Variants in AXDND1 observed in about 807,000 individuals in gnomAD.
AXDND1 encodes axonemal dynein light chain domain containing 1, also known as axonemal dynein light chain domain-containing protein 1.
A neutral mutation model predicts 137.5 loss-of-function variants in AXDND1; 110 were observed. That is an observed-to-expected ratio of 0.80 (90% confidence interval 0.69 to 0.94). The LOEUF is 0.94. Ranked by LOEUF, AXDND1 falls within the 40% of genes least tolerant of loss-of-function variation. The pLI is 0.00. For synonymous variants in AXDND1, 414 were observed against 399.7 expected, an observed-to-expected ratio of 1.04 and a Z score of -0.43; for missense variants, 1,191 against 1,169.8, an observed-to-expected ratio of 1.02 and a Z score of -0.26.
At chr1:179,472,370 A>G (rs2125496888) in intron 17 of AXDND1, among the ~76,000 whole-genome samples, 1 of 152,224 alleles carries the variant, frequency 6.6e-6, no homozygotes, top group East Asian at 1.9e-4. Context: ...TATATATTTT[A>G]TATTATTCTA....
At chr1:179,484,045 G>A (rs1167781362) in intron 18 of AXDND1, among the ~76,000 whole-genome samples, 1 of 152,162 alleles carries the variant, frequency 6.6e-6, no homozygotes, top group Non-Finnish European at 1.5e-5. Context: ...GCTAAAGGAG[G>A]AGGAAGCTGG....
intron 21 of AXDND1, among the ~76,000 whole-genome samples, chr1:179,519,482 A>G (rs1197144239): frequency 6.6e-6 from 1 of 152,160 alleles, no homozygotes; most frequent in Non-Finnish European, 1.5e-5. Flanking sequence ...CCAGAATGGT[A>G]TTGCCAAGGT....
intron 15 of AXDND1, among the ~76,000 whole-genome samples, chr1:179,434,774 T>A (rs1487095421): frequency 6.6e-6 from 1 of 152,118 alleles, no homozygotes; most frequent in Non-Finnish European, 1.5e-5. Context: ...CTGGAAGCAT[T>A]CCCTTTGAAA....
chr1:179,439,689 G>A (rs1200709592), intron 15 of AXDND1, among the ~76,000 whole-genome samples: 1 of 152,154 alleles, frequency 6.6e-6, no homozygotes, highest in Non-Finnish European at 1.5e-5. Flanking sequence ...CTTCCTGCAT[G>A]GTTTTCTTGA....
chr1:179,541,747 A>C (rs537062910), intron 25 of AXDND1, among the ~76,000 whole-genome samples: 2 of 152,254 alleles, frequency 1.3e-5, no homozygotes, highest in Non-Finnish European at 2.9e-5. Context: ...ACACGTGAGA[A>C]TCTTAATAAT....
At chr1:179,447,703 G>A in intron 16 of AXDND1, 1 of 1,344,854 alleles carries the variant, frequency 7.4e-7, no homozygotes, top group Non-Finnish European at 1.1e-6. Flanking sequence ...GGGAGACTTT[G>A]TAGGCATGAC....
At chr1:179,551,929 C>T (rs1673341901) in intron 25 of AXDND1, 1 of 176,608 alleles carries the variant, frequency 5.7e-6, no homozygotes, top group African/African-American at 2.4e-5. Flanking sequence ...TGGGGACTAT[C>T]CTCCTCCCCT....
chr1:179,483,122 C>A lies in AXDND1; in HGVS notation c.1998-6C>A. 1 of 1,559,342 alleles carries A rather than the reference C, an allele frequency of 6.4e-7. No individual in the cohort carries two copies. Among genetic ancestry groups the A allele is most frequent in the Non-Finnish European group, 8.7e-7 (1 of 1,148,172 alleles). On this transcript the variant is annotated splice_region_variant and splice_polypyrimidine_tract_variant and intron_variant, in intron 17 of 25. Transcript: ENST00000367618. ...TCACTTTTATTTTACTTGATTTTTCCTTCAGGGTACTCCAAGCGTATATAT... is the reference window on the plus strand; with the variant it reads ...TCACTTTTATTTTACTTGATTTTTCATTCAGGGTACTCCAAGCGTATATAT...
At chr1:179,437,621 G>A (rs1658356128) in intron 15 of AXDND1, among the ~76,000 whole-genome samples, 1 of 152,210 alleles carries the variant, frequency 6.6e-6, no homozygotes, top group Non-Finnish European at 1.5e-5. Context: ...GGCCAGGCTG[G>A]GCAGCTCTCA....
chr1:179,429,494 G>C (rs746384616), intron 12 of AXDND1, 24 bp from the exon 13 acceptor site: 1 of 1,283,352 alleles, frequency 7.8e-7, no homozygotes, highest in African/African-American at 1.5e-5. Flanking sequence ...TTAGGTTCCT[G>C]ATTATAGTAC....
intron 11 of AXDND1, among the ~76,000 whole-genome samples, chr1:179,398,617 G>A (rs1007294874): frequency 6.6e-6 from 1 of 151,934 alleles, no homozygotes; most frequent in Non-Finnish European, 1.5e-5. Flanking sequence ...GCTGGCAACT[G>A]TGTGCACAGT....
At position 179,463,656 on chromosome 1, in the gene AXDND1, T is replaced by C. The variant is rs140758855; in HGVS notation, c.1799-4787T>C. 4.1e-3 allele frequency among the ~76,000 whole-genome samples: 625 copies of C among 152,330 alleles called. 4 individuals are homozygous for C. The highest frequency in any genetic ancestry group is 0.014 in the African/African-American group (598 of 41,574). Reference sequence around the variant, plus strand: ...AGGTCTGCTTGTTGCAGAGCTGAATTCAATTCCTGGATATCCTTGTTAACT... The same window carrying C: ...AGGTCTGCTTGTTGCAGAGCTGAATCCAATTCCTGGATATCCTTGTTAACT... On this transcript the variant is annotated intron_variant, in intron 16 of 25. Coordinates refer to ENST00000367618, the MANE Select transcript of AXDND1 (RefSeq NM_144696.6).
At chr1:179,382,074 C>A (rs1648446899) in intron 6 of AXDND1, among the ~76,000 whole-genome samples, 1 of 150,088 alleles carries the variant, frequency 6.7e-6, no homozygotes, top group South Asian at 2.1e-4. Context: ...CACGCCCAGC[C>A]CTTTATTTTT....
intron 20 of AXDND1, among the ~76,000 whole-genome samples, chr1:179,507,369 C>G (rs1382185350): frequency 6.6e-6 from 1 of 152,102 alleles, no homozygotes. Flanking sequence ...ATGACAGTAT[C>G]TCCAATGTCT....
intron 15 of AXDND1, among the ~76,000 whole-genome samples, chr1:179,442,491 T>G (rs1659131059): frequency 6.6e-6 from 1 of 152,228 alleles, no homozygotes; most frequent in African/African-American, 2.4e-5. Flanking sequence ...CCATGGGTTA[T>G]GCGTAATAAC....
chr1:179,401,665 A>C (rs952770309), intron 11 of AXDND1, among the ~76,000 whole-genome samples: 21 of 152,048 alleles, frequency 1.4e-4, no homozygotes, highest in South Asian at 6.2e-4. Flanking sequence ...GGGGGAAATA[A>C]TTGAATCGTG....
At chr1:179,510,521 T>A (rs765899086) in intron 21 of AXDND1, among the ~76,000 whole-genome samples, 1 of 152,224 alleles carries the variant, frequency 6.6e-6, no homozygotes, top group African/African-American at 2.4e-5. Flanking sequence ...ATGTGCTGTC[T>A]AGATCTTGGC....
intron 16 of AXDND1, chr1:179,450,342 G>A (rs1372463878): frequency 6.6e-6 from 1 of 152,100 alleles, no homozygotes; most frequent in Non-Finnish European, 1.5e-5. Flanking sequence ...TGGCCTAATC[G>A]CCCTGGCAAG....
In AXDND1 at chr1:179,488,308, T is replaced by C. The variant is rs1314641388; in HGVS notation, c.2092-3230T>C. Reference sequence around the variant, plus strand: ...CAACAAACTCACACCAAGATGGAAATATTTCCTCCTATTCATTTTCAAAAC... The same window carrying C: ...CAACAAACTCACACCAAGATGGAAACATTTCCTCCTATTCATTTTCAAAAC... On this transcript the variant is annotated intron_variant, in intron 18 of 25. Transcript: ENST00000367618. Among the ~76,000 whole-genome samples the C allele has an allele frequency of 1.2e-4, 18 of 148,734 alleles. 1 individual carries two copies. Among genetic ancestry groups the C allele is most frequent in the African/African-American group, 2.6e-5 (1 of 39,152 alleles).
Sources: gnomAD v4.1 joint callset for allele counts (sites outside exome capture counted in the v4.1 genomes callset) on GRCh38, gnomAD v4.1.1 for gene constraint, MANE v1.5 for transcripts, NCBI Gene and HGNC (gene_info 2026-07-23, HGNC 2026-07-21) for gene names.